The following MDN1 variants were observed in gnomAD, a reference collection of about 807,000 sequenced individuals.
The protein encoded by MDN1 is midasin.
A neutral mutation model predicts 669.2 loss-of-function variants in MDN1; 266 were observed. That is an observed-to-expected ratio of 0.40 (90% CI 0.36 to 0.44). The LOEUF (loss-of-function observed/expected upper bound fraction) is 0.44, where lower values mean the gene tolerates loss of function less well. MDN1 is among the 20% of genes least tolerant of loss of function. MDN1 has a pLI of 1.00. For synonymous variants in MDN1, 2,385 were observed against 2,457.1 expected, an observed-to-expected ratio of 0.97 and a Z score of 0.87; for missense variants, 5,940 against 6,754.0, an observed-to-expected ratio of 0.88 and a Z score of 4.22.
intron 37 of MDN1, 75 bp from the exon 38 acceptor site, chr6:89,725,471 G>T: frequency 8.2e-7 from 1 of 1,219,610 alleles, no homozygotes; most frequent in Non-Finnish European, 1.2e-6. Context: ...GGAATAATAT[G>T]CAGCAAATAA....
Position 89,788,332 on chromosome 6 carries a change from G to T in MDN1, c.1231-375C>A, listed in dbSNP as rs539327343. Among the ~76,000 whole-genome samples the T allele has an allele frequency of 5.9e-5, 9 of 152,320 alleles. No individual in the cohort carries two copies. In the South Asian group the frequency reaches 1.9e-3, roughly 32 times the overall value. On this transcript the variant is annotated intron_variant, in intron 7 of 101. Coordinates refer to ENST00000369393, the MANE Select transcript of MDN1 (RefSeq NM_014611.3). Reference sequence around the variant, plus strand: ...AAAGATACAGGGGGTTCTGAATCAGGATAGAATGATTTAGAAGCAGGGCAG... The same window carrying T: ...AAAGATACAGGGGGTTCTGAATCAGTATAGAATGATTTAGAAGCAGGGCAG...
intron 15 of MDN1, among the ~76,000 whole-genome samples, chr6:89,764,592 T>C (rs1817707865): frequency 1.3e-5 from 2 of 152,196 alleles, no homozygotes; most frequent in Non-Finnish European, 2.9e-5. Flanking sequence ...GAATGGGTGA[T>C]GTGAGTTTTG....
Position 89,723,070 on chromosome 6 carries a change from AG to A in MDN1, c.5851del (p.Leu1951PhefsTer7). ...GGPWEFNLRD[L>X]FRWCQLMLVD... ...CAGCATCAACTGACACCAGCGGAAA[AG>A]GTCCCGGAGGTTGAATTCCCAGGGT... is the stretch of plus-strand genomic sequence containing the variant. On this transcript the variant is annotated frameshift_variant, in exon 40 of 102. Coordinates refer to ENST00000369393, the MANE Select transcript of MDN1 (RefSeq NM_014611.3). LOFTEE classifies it high-confidence loss of function. 6.2e-7 allele frequency: 1 copy of A among 1,614,132 alleles called. No individual in the cohort carries two copies. Among genetic ancestry groups the A allele is most frequent in the Non-Finnish European group, 8.5e-7 (1 of 1,179,990 alleles).
chr6:89,741,810 C>T (rs1174300024), intron 31 of MDN1, among the ~76,000 whole-genome samples: 3 of 152,066 alleles, frequency 2.0e-5, no homozygotes, highest in Non-Finnish European at 4.4e-5. Flanking sequence ...GGCCTCTGAC[C>T]CTAGCCTCGG....
At position 89,695,513 on chromosome 6, in the gene MDN1, G is replaced by A. The variant is rs1208321322; in HGVS notation, c.9771+92C>T. On this transcript the variant is annotated intron_variant, in intron 61 of 101. Transcript: ENST00000369393. The surrounding 1 kb of genome is among the most constrained non-coding windows in gnomAD (Gnocchi z 4.1). ...TGCAATATCATGCTTGTGATGATCT[G>A]AGCACCCAAAAGGGAATAAAAGGAG... 15 of 1,459,102 alleles carry A rather than the reference G, an allele frequency of 1.0e-5. No individual in the cohort carries two copies. The East Asian group carries it at 1.2e-4, about 11-fold the overall frequency. The allele number at this position is 1,459,102 out of a possible 1,614,324, so 90.4% of individuals were successfully genotyped here. A position where few individuals can be genotyped will look rare whatever the true frequency, so the allele number is the denominator to read the frequency against.
At position 89,674,558 on chromosome 6, in the gene MDN1, T is replaced by G; in HGVS notation, c.12793A>C (p.Ser4265Arg). The G allele has an allele frequency of 6.3e-7, 1 of 1,588,974 alleles. No homozygotes were observed. The highest frequency in any genetic ancestry group is 8.5e-7 in the Non-Finnish European group (1 of 1,172,840). ...TAGGCCTGGGGCCCCATCAGCCTGC[T>G]GTGAATCTCTTGCACACAGCTGAGG... The part of the protein sequence containing the change: ...NLLSCVQEIH[S>R]RLMGPQAYPV... The change falls in exon 79 of 102, where the codon AGC becomes CGC. Residue 4265 changes from serine to arginine, a missense_variant. Physicochemically the swap from Ser to Arg is moderately radical, Grantham distance 110. Around this residue, in one of 5 missense-constraint regions of MDN1, gnomAD observed 2,280 missense variants for 2,576.3 expected, o/e 0.88. Transcript: ENST00000369393.
intron 21 of MDN1, 42 bp from the exon 22 acceptor site, chr6:89,753,664 C>T: frequency 6.9e-7 from 1 of 1,445,252 alleles, no homozygotes; most frequent in South Asian, 1.1e-5. Flanking sequence ...AAATAACCTT[C>T]TGCAATACAA....
At chr6:89,681,376 G>A (rs1354255806) in intron 73 of MDN1, among the ~76,000 whole-genome samples, 2 of 152,114 alleles carry the variant, frequency 1.3e-5, no homozygotes, top group East Asian at 1.9e-4. Context: ...GTTTTACCAC[G>A]TTGGCCAGGC....
At position 89,778,808 on chromosome 6, in the gene MDN1, C is replaced by T. The variant is rs569255461; in HGVS notation, c.1725+1404G>A. Among the ~76,000 whole-genome samples, 43 of 151,640 alleles carry T rather than the reference C, an allele frequency of 2.8e-4. 1 individual carries two copies. In the South Asian group the frequency reaches 8.5e-3, roughly 30 times the overall value. On this transcript the variant is annotated intron_variant, in intron 11 of 101. Transcript: ENST00000369393. ...GGCTGAGGCAGGAGAATGGTGGGAA[C>T]CTGGGAGGTGGAGCTTGCAGTGAGC...
intron 77 of MDN1, 123 bp from the exon 78 acceptor site, chr6:89,675,702 A>AT (rs1463116533): frequency 5.4e-5 from 39 of 723,790 alleles, no homozygotes; most frequent in Non-Finnish European, 8.4e-5. Context: ...TGACATATTC[A>AT]TTTTTTTGAG....
At chr6:89,773,971 A>G (rs891364833) in intron 13 of MDN1, among the ~76,000 whole-genome samples, 1 of 145,294 alleles carries the variant, frequency 6.9e-6, no homozygotes, top group Non-Finnish European at 1.5e-5. Context: ...TCTTAAAAAG[A>G]AAAAAAAAAA....
At chr6:89,759,789 G>A (rs1486786190) in intron 17 of MDN1, among the ~76,000 whole-genome samples, 5 of 151,306 alleles carry the variant, frequency 3.3e-5, no homozygotes. Flanking sequence ...AATAGTTCTG[G>A]GGCCCGGGGC....
At chr6:89,758,983 G>A in intron 17 of MDN1, 23 bp from the exon 18 acceptor site, 1 of 1,607,476 alleles carries the variant, frequency 6.2e-7, no homozygotes, top group South Asian at 1.1e-5. Flanking sequence ...AAAATAAAAT[G>A]TTAACAATGT....
intron 20 of MDN1, 44 bp downstream of exon 20, chr6:89,756,233 T>C (rs752032315): frequency 2.1e-6 from 2 of 942,590 alleles, no homozygotes; most frequent in South Asian, 1.8e-5. Context: ...CACATTTTCA[T>C]GTTCAGAGAA....
At chr6:89,779,927 G>A (rs1407127617) in intron 11 of MDN1, among the ~76,000 whole-genome samples, 1 of 152,022 alleles carries the variant, frequency 6.6e-6, no homozygotes, top group African/African-American at 2.4e-5. Flanking sequence ...TTAGCCAGGG[G>A]TGGTGGCAGG....
intron 43 of MDN1, among the ~76,000 whole-genome samples, chr6:89,717,335 T>C (rs1261163772): frequency 1.3e-5 from 2 of 152,228 alleles, no homozygotes; most frequent in African/African-American, 2.4e-5. Context: ...GTAATACACA[T>C]TGGATTTCTA....
intron 23 of MDN1, among the ~76,000 whole-genome samples, 171 bp from the exon 24 acceptor site, chr6:89,750,703 A>G (rs981519500): frequency 1.3e-5 from 2 of 152,158 alleles, no homozygotes; most frequent in Non-Finnish European, 2.9e-5. Context: ...CCCAGGCTCA[A>G]GTGATCCTCC....
Position 89,758,238 on chromosome 6 carries a change from A to G in MDN1, c.2702+17T>C. On this transcript the variant is annotated intron_variant, in intron 19 of 101. Transcript: ENST00000369393. The stretch of plus-strand genomic sequence containing the variant: ...CCTGTTGCAAAAAAGGAAAGTCTCC[A>G]AGAACCAAACCCTCACCTGTTTCTT... 6.3e-7 allele frequency: 1 copy of G among 1,591,318 alleles called. No homozygotes were observed. The highest frequency in any genetic ancestry group is 1.1e-5 in the South Asian group (1 of 88,358).
At chr6:89,658,557 C>T (rs1809494926) in intron 89 of MDN1, 53 bp downstream of exon 89, 2 of 1,537,506 alleles carry the variant, frequency 1.3e-6, no homozygotes, top group Non-Finnish European at 1.8e-6. Flanking sequence ...AATAAGGTGA[C>T]TTCTCCTCTT....
Sources: allele counts gnomAD v4.1 joint callset (sites outside exome capture counted in the v4.1 genomes callset), GRCh38; gene constraint gnomAD v4.1.1; regional missense constraint gnomAD v4.1.1; non-coding constraint Gnocchi (gnomAD v3.1); transcripts MANE v1.5; gene names NCBI Gene and HGNC (gene_info 2026-07-23, HGNC 2026-07-21).